Variants in CSMD3 observed in about 807,000 individuals in gnomAD.
The protein encoded by CSMD3 is CUB and sushi domain-containing protein 3.
Under a neutral mutation model 435.2 loss-of-function variants are expected in CSMD3, and 177 were observed. The observed-to-expected ratio is 0.41, with a 90% CI of 0.36 to 0.46. The LOEUF (loss-of-function observed/expected upper bound fraction) is 0.46. Ranked by LOEUF, CSMD3 falls within the 20% of genes least tolerant of loss-of-function variation. The probability of loss-of-function intolerance (pLI) is 0.34; values close to 1 mark genes in which losing one functional copy is unlikely to be tolerated. For missense variants in CSMD3, 4,265 were observed against 4,504.6 expected, an observed-to-expected ratio of 0.95 and a Z score of 1.52; for synonymous variants, 1,656 against 1,520.5, an observed-to-expected ratio of 1.09 and a Z score of -2.07.
chr8:113,018,093 T>C (rs1195681925), intron 6 of CSMD3, among the ~76,000 whole-genome samples: 4 of 152,184 alleles, frequency 2.6e-5, no homozygotes, highest in African/African-American at 9.6e-5. Flanking sequence ...CCTAAGAATT[T>C]TTATTACAGT....
chr8:112,656,783 G>GT (rs1424206749), intron 17 of CSMD3, among the ~76,000 whole-genome samples: 5 of 151,878 alleles, frequency 3.3e-5, no homozygotes, highest in Non-Finnish European at 7.4e-5. Flanking sequence ...TTATTCAAGT[G>GT]TTTTTTATTG....
chr8:113,112,662 T>C (rs1031992033), intron 4 of CSMD3, among the ~76,000 whole-genome samples: 4 of 151,654 alleles, frequency 2.6e-5, no homozygotes, highest in Admixed American at 1.3e-4. Context: ...TGGATAACAG[T>C]AAAAGGAGAG....
At chr8:113,115,952 A>G (rs2090812957) in intron 4 of CSMD3, among the ~76,000 whole-genome samples, 1 of 152,116 alleles carries the variant, frequency 6.6e-6, no homozygotes, top group African/African-American at 2.4e-5. Flanking sequence ...CCCTTCCTCT[A>G]TGTGAGGACA....
At chr8:112,767,253 G>A (rs1359819405) in intron 13 of CSMD3, among the ~76,000 whole-genome samples, 1 of 151,884 alleles carries the variant, frequency 6.6e-6, no homozygotes, top group African/African-American at 2.4e-5. Context: ...ACAATAATTT[G>A]ACATTGGGCT....
chr8:112,734,685 C>T (rs1351529951), intron 13 of CSMD3, among the ~76,000 whole-genome samples: 1 of 151,878 alleles, frequency 6.6e-6, no homozygotes. Flanking sequence ...TCTAATAATG[C>T]ATGAACTGAA....
At chr8:112,940,848 T>C (rs572335249) in intron 9 of CSMD3, among the ~76,000 whole-genome samples, 2 of 152,006 alleles carry the variant, frequency 1.3e-5, no homozygotes, top group African/African-American at 4.8e-5. Context: ...ACGATGAATT[T>C]GAGGTCCTGC....
chr8:113,314,476 T>C, intron 2 of CSMD3, 95 bp downstream of exon 2: 1 of 759,546 alleles, frequency 1.3e-6, no homozygotes, highest in South Asian at 1.5e-5. Flanking sequence ...AACTTTATTA[T>C]AATTGCATCA....
intron 3 of CSMD3, among the ~76,000 whole-genome samples, chr8:113,188,011 C>T (rs1017440773): frequency 1.3e-5 from 2 of 151,900 alleles, no homozygotes; most frequent in Non-Finnish European, 2.9e-5. Flanking sequence ...TTTTTCTTTG[C>T]CTATCCAGAT....
chr8:113,151,314 C>T (rs1322753738), intron 4 of CSMD3, among the ~76,000 whole-genome samples: 2 of 151,862 alleles, frequency 1.3e-5, no homozygotes, highest in East Asian at 3.9e-4. Context: ...TTCATTATTA[C>T]TATCTTAATT....
intron 38 of CSMD3, among the ~76,000 whole-genome samples, chr8:112,367,567 A>G (rs911790961): frequency 5.9e-5 from 9 of 152,132 alleles, no homozygotes; most frequent in African/African-American, 2.2e-4. Context: ...ATTGGCCATA[A>G]AGCTTTTCAA....
chr8:112,878,363 T>TG (rs1249008082), intron 10 of CSMD3, among the ~76,000 whole-genome samples: 2 of 152,124 alleles, frequency 1.3e-5, no homozygotes, highest in Non-Finnish European at 1.5e-5. Context: ...AAAACCACAA[T>TG]GATATACCAT....
At chr8:113,386,809 G>A (rs1271724227) in intron 1 of CSMD3, among the ~76,000 whole-genome samples, 1 of 151,776 alleles carries the variant, frequency 6.6e-6, no homozygotes, top group Non-Finnish European at 1.5e-5. Context: ...TTTGGATTAA[G>A]CCCAAAAATT....
intron 3 of CSMD3, among the ~76,000 whole-genome samples, chr8:113,269,795 C>CT (rs2093504828): frequency 6.6e-6 from 1 of 152,042 alleles, no homozygotes; most frequent in Non-Finnish European, 1.5e-5. Flanking sequence ...TTCCTTACAC[C>CT]TTATACAAAA....
At chr8:112,631,423 C>T (rs952817827) in intron 22 of CSMD3, among the ~76,000 whole-genome samples, 5 of 151,874 alleles carry the variant, frequency 3.3e-5, no homozygotes, top group African/African-American at 4.8e-5. Context: ...TATAAAAAAA[C>T]GATAGTCTTC....
intron 32 of CSMD3, among the ~76,000 whole-genome samples, chr8:112,457,645 T>G (rs992942226): frequency 4.6e-5 from 7 of 152,046 alleles, no homozygotes; most frequent in African/African-American, 1.7e-4. Context: ...TTGAGGAATT[T>G]AGGAGCAGGG....
intron 38 of CSMD3, among the ~76,000 whole-genome samples, chr8:112,354,329 T>G (rs1470072719): frequency 6.6e-6 from 1 of 152,106 alleles, no homozygotes; most frequent in Admixed American, 6.6e-5. Context: ...TCAACATAAT[T>G]CTGGAAGTCC....
chr8:113,103,147 C>G (rs1389621565), intron 4 of CSMD3, among the ~76,000 whole-genome samples: 1 of 152,132 alleles, frequency 6.6e-6, no homozygotes, highest in East Asian at 1.9e-4. Context: ...GAACATCCAT[C>G]TTAGGCCAAG....
At chr8:112,891,250 T>C (rs1361440717) in intron 10 of CSMD3, among the ~76,000 whole-genome samples, 2 of 151,536 alleles carry the variant, frequency 1.3e-5, no homozygotes, top group African/African-American at 4.8e-5. Flanking sequence ...TTACTGAGTT[T>C]CACTGAGCCA....
chr8:113,219,932 G>A (rs1281367876), intron 3 of CSMD3, among the ~76,000 whole-genome samples: 1 of 151,362 alleles, frequency 6.6e-6, no homozygotes, highest in African/African-American at 2.4e-5. Flanking sequence ...GACATTTGAG[G>A]AGAAAATGAT....
Sources: allele counts gnomAD v4.1 joint callset (sites outside exome capture counted in the v4.1 genomes callset), GRCh38; gene constraint gnomAD v4.1.1; transcripts MANE v1.5; gene names NCBI Gene and HGNC (gene_info 2026-07-23, HGNC 2026-07-21).